SFTPD: variants seen among roughly 807,000 people sequenced by gnomAD.
SFTPD encodes pulmonary surfactant-associated protein D.
In SFTPD, 18 loss-of-function variants were observed where a neutral mutation model predicts 34.6. The observed-to-expected ratio is 0.52, with a 90% CI of 0.36 to 0.77. The LOEUF is 0.77. SFTPD is among the 30% of genes least tolerant of loss of function. SFTPD has a pLI of 0.00. For missense variants in SFTPD, 433 were observed against 468.9 expected (o/e 0.92, Z 0.71); for synonymous variants, 155 against 180.9 (o/e 0.86, Z 1.15).
chr10:79,957,695 T>A (rs1168046634), intron 1 of SFTPD, among the ~76,000 whole-genome samples: 1 of 152,180 alleles, frequency 6.6e-6, no homozygotes, highest in Non-Finnish European at 1.5e-5. Flanking sequence ...GAAAGTGACA[T>A]GGAGAATGGA....
intron 1 of SFTPD, among the ~76,000 whole-genome samples, chr10:79,978,380 A>T (rs117833443): frequency 6.6e-6 from 1 of 152,192 alleles, no homozygotes; most frequent in Admixed American, 6.5e-5. Context: ...TGCTGGGTGC[A>T]GTGGCTCATG....
At chr10:79,973,611 C>G (rs1291238183) in intron 1 of SFTPD, among the ~76,000 whole-genome samples, 1 of 105,900 alleles carries the variant, frequency 9.4e-6, no homozygotes, top group Non-Finnish European at 1.8e-5. Flanking sequence ...GAGCAAGACT[C>G]TGTCTCAAAA....
chr10:79,962,794 G>T (rs958588799), intron 1 of SFTPD, among the ~76,000 whole-genome samples: 1 of 152,114 alleles, frequency 6.6e-6, no homozygotes, highest in African/African-American at 2.4e-5. Context: ...TTGTAAAAAT[G>T]TATTCAACTC....
At chr10:79,942,935 C>T (rs1842629138) in intron 2 of SFTPD, 56 bp from the exon 3 acceptor site, 9 of 1,115,626 alleles carry the variant, frequency 8.1e-6, no homozygotes, top group Middle Eastern at 4.0e-4. Flanking sequence ...AAAGGGCCAG[C>T]CTCCTGCAGG....
chr10:79,961,539 A>G (rs1237132023), intron 1 of SFTPD, among the ~76,000 whole-genome samples: 1 of 152,270 alleles, frequency 6.6e-6, no homozygotes, highest in African/African-American at 2.4e-5. Flanking sequence ...AAACACATGA[A>G]AAAATGCTCG....
chr10:79,965,445 G>A (rs917933759), intron 1 of SFTPD, among the ~76,000 whole-genome samples: 4 of 150,360 alleles, frequency 2.7e-5, no homozygotes, highest in Non-Finnish European at 5.9e-5. Flanking sequence ...AATCCCGCTC[G>A]AAGCAGCCCT....
rs1446767584 is a variant in SFTPD, at chr10:79,937,834, C to T, written c.*18G>A. ...CCAAACTCCTGGGCCAAGCACTGCC[C>T]CACCCACCCCAGTTGGCTCAGAACT... is the stretch of plus-strand genomic sequence containing the variant. On this transcript the variant is annotated 3_prime_UTR_variant, in exon 8 of 8. Transcript: ENST00000372292. The T allele has an allele frequency of 1.3e-6, 2 of 1,525,432 alleles. No homozygotes were observed. Among genetic ancestry groups the T allele is most frequent in the Admixed American group, 4.1e-5 (2 of 48,640 alleles). 94.5% of individuals were successfully genotyped at this position (1,525,432 alleles called of 1,614,324 possible).
rs547118498 is a variant in SFTPD at position 79,941,260 on chromosome 10, G to A, written c.667+138C>T. ...CATGCTCCTGCCTTCCAGCCTGTCC[G>A]CCTTTCCTGAGTTCCACCCACCAGC... On this transcript the variant is annotated intron_variant, in intron 6 of 7. Transcript: ENST00000372292. The A allele has an allele frequency of 2.3e-4, 174 of 755,714 alleles. 3 individuals carry two copies. The highest frequency in any genetic ancestry group is 2.1e-3 in the East Asian group (81 of 38,942). 46.8% of individuals were successfully genotyped at this position (755,714 alleles called of 1,614,324 possible). A position where few individuals can be genotyped will look rare whatever the true frequency, so the allele number is the denominator to read the frequency against.
intron 4 of SFTPD, 36 bp downstream of exon 4, chr10:79,942,352 T>G (rs1274601393): frequency 7.1e-7 from 1 of 1,408,340 alleles, no homozygotes; most frequent in African/African-American, 1.4e-5. Context: ...CCTTCCTCCT[T>G]TCCCTTCTCA....
In SFTPD at chr10:79,942,418, G is replaced by C. The variant is rs1339814894; in HGVS notation, c.403C>G (p.Pro135Ala). The C allele has an allele frequency of 6.2e-7, 1 of 1,612,940 alleles. No individual in the cohort carries two copies. Among genetic ancestry groups the C allele is most frequent in the Admixed American group, 1.7e-5 (1 of 60,010 alleles). ...GGCCCAGCTTCTCCTTTTGGGCCTG[G>C]CTTGCCCTGAGGTCCTATGTTCCCC... ...KQGNIGPQGK[P>A]GPKGEAGPKG... The change falls in exon 4 of 8, where the codon CCA becomes GCA. Residue 135 changes from proline (P) to alanine (A), a missense_variant. Physicochemically the swap from Pro to Ala is conservative, Grantham distance 27. Transcript: ENST00000372292.
At chr10:79,968,801 A>G (rs542091258) in intron 1 of SFTPD, 2 of 152,312 alleles carry the variant, frequency 1.3e-5, no homozygotes, top group East Asian at 3.9e-4. Context: ...ACAGTGTGTA[A>G]GCATTCCCTT....
At chr10:79,964,134 C>G (rs908468406) in intron 1 of SFTPD, among the ~76,000 whole-genome samples, 1 of 152,090 alleles carries the variant, frequency 6.6e-6, no homozygotes. Context: ...TGCCCTAACT[C>G]GAGCCCTCAC....
intron 1 of SFTPD, among the ~76,000 whole-genome samples, chr10:79,973,601 G>C (rs1176029092): frequency 7.8e-6 from 1 of 128,270 alleles, no homozygotes; most frequent in East Asian, 2.2e-4. Context: ...CTAGGCGACA[G>C]AGCAAGACTC....
Position 79,967,572 on chromosome 10 carries a change from C to G in SFTPD, c.36+15003G>C, listed in dbSNP as rs538809442. 1.7e-3 allele frequency among the ~76,000 whole-genome samples: 248 copies of G among 144,168 alleles called. 9 individuals carry two copies. Among genetic ancestry groups the G allele is most frequent in the Admixed American group, 0.012 (173 of 14,680 alleles). 94.6% of individuals were successfully genotyped at this position (144,168 alleles called of 152,430 possible). A position where few individuals can be genotyped will look rare whatever the true frequency, so the allele number is the denominator to read the frequency against. ...AAATTATACTACAAGGCTACAGTAA[C>G]CAAAACAGCATGGTACTGGTACCAA... On this transcript the variant is annotated intron_variant, in intron 1 of 5. Coordinates refer to the SFTPD transcript ENST00000444384.
chr10:79,940,816 G>A, intron 6 of SFTPD, 28 bp from the exon 7 acceptor site: 2 of 1,459,126 alleles, frequency 1.4e-6, no homozygotes, highest in South Asian at 1.1e-5. Flanking sequence ...GCCAAGTAAA[G>A]ACTTGTCCAG....
intron 1 of SFTPD, among the ~76,000 whole-genome samples, chr10:79,975,164 C>T (rs755009030): frequency 1.1e-4 from 16 of 152,120 alleles, no homozygotes; most frequent in Non-Finnish European, 1.5e-4. Flanking sequence ...AGGTGCTGCT[C>T]GAACAGTCAC....
chr10:79,946,462 T>A lies in SFTPD; in HGVS notation c.198A>T (p.Pro66=). ...GATAAGCCCAGGGCCCCACCCTACCTGGGTCCCCCTTCTCGCCCCGAGGGC... is the reference window on the plus strand; with the variant it reads ...GATAAGCCCAGGGCCCCACCCTACCAGGGTCCCCCTTCTCGCCCCGAGGGC... ...REGPRGEKGD[P]GLPGAAGQAG... The change falls in exon 2 of 8, where the codon CCA becomes CCT. Residue 66 remains proline (P), a splice_region_variant and synonymous_variant. Transcript: ENST00000372292. 6.2e-7 allele frequency: 1 copy of A among 1,613,030 alleles called. No homozygotes were observed. The highest frequency in any genetic ancestry group is 8.5e-7 in the Non-Finnish European group (1 of 1,179,194).
At chr10:79,982,200 A>T in intron 1 of SFTPD, 1 of 499,684 alleles carries the variant, frequency 2.0e-6, no homozygotes, top group Non-Finnish European at 3.1e-6. Flanking sequence ...ACGCGCACGT[A>T]CTGGGGCTCG....
chr10:79,948,357 G>A (rs1354723897), intron 1 of SFTPD, among the ~76,000 whole-genome samples: 1 of 152,222 alleles, frequency 6.6e-6, no homozygotes, highest in Non-Finnish European at 1.5e-5. Context: ...GAAGGCACCA[G>A]CAGCCACTGT....
Sources: allele counts gnomAD v4.1 joint callset (sites outside exome capture counted in the v4.1 genomes callset), GRCh38; gene constraint gnomAD v4.1.1; transcripts MANE v1.5; gene names NCBI Gene and HGNC (gene_info 2026-07-23, HGNC 2026-07-21).